The following PXDC1 variants were observed in gnomAD, a reference collection of about 807,000 sequenced individuals.
PXDC1 encodes the protein PX domain containing 1.
In PXDC1, 13 loss-of-function variants were observed where a neutral mutation model predicts 24.4. That is an observed-to-expected ratio of 0.53 (90% CI 0.35 to 0.85). The LOEUF (loss-of-function observed/expected upper bound fraction) is 0.85, where lower values mean the gene tolerates loss of function less well. Among genes scored for constraint, PXDC1 ranks in the 40% least tolerant of loss-of-function variants. The pLI, the probability that PXDC1 is intolerant of heterozygous loss-of-function variation, is 0.01. For synonymous variants in PXDC1, 162 were observed against 124.9 expected, an observed-to-expected ratio of 1.30 and a Z score of -1.98; for missense variants, 344 against 309.3, an observed-to-expected ratio of 1.11 and a Z score of -0.84.
chr6:3,738,051 A>G lies in PXDC1; in HGVS notation c.348+6T>C. 1.9e-6 allele frequency: 3 copies of G among 1,612,838 alleles called. No homozygotes were observed. The highest frequency in any genetic ancestry group is 1.3e-5 in the African/African-American group (1 of 74,888). On this transcript the variant is annotated splice_donor_region_variant and intron_variant, in intron 2 of 4. Coordinates refer to ENST00000380283, the MANE Select transcript of PXDC1 (RefSeq NM_183373.4). ...CCTGCCCAGCCCGGGGCCTGGCCAC[A>G]CTCACTTTACAGGGCATGCTTATGA... is the stretch of plus-strand genomic sequence containing the variant.
At chr6:3,727,513 G>A (rs1439614614) in intron 4 of PXDC1, 38 bp downstream of exon 4, 24 of 1,443,428 alleles carry the variant, frequency 1.7e-5, no homozygotes, top group Non-Finnish European at 2.3e-5. Flanking sequence ...AATGGCTCAG[G>A]ACAGTCTATG....
intron 1 of PXDC1, among the ~76,000 whole-genome samples, chr6:3,744,339 C>G (rs752252281): frequency 6.6e-6 from 1 of 152,198 alleles, no homozygotes; most frequent in African/African-American, 2.4e-5. Flanking sequence ...GATGGGATCC[C>G]GGCCTCCTGG....
In PXDC1 at chr6:3,737,928, G is replaced by A; in HGVS notation, c.348+129C>T. On this transcript the variant is annotated intron_variant, in intron 2 of 4. Transcript: ENST00000380283. This position sits in a 1 kb window ranked among gnomAD's most constrained non-coding sequence, Gnocchi z 5.5. ...GTCCCTATCGCCTGGTACTACCAGG[G>A]AGGGAACAAAACGGCTAAGTGAGAC... 2.5e-6 allele frequency: 2 copies of A among 805,404 alleles called. No homozygotes were observed. Among genetic ancestry groups the A allele is most frequent in the Non-Finnish European group, 2.0e-6 (1 of 491,820 alleles). 49.9% of individuals were successfully genotyped at this position (805,404 alleles called of 1,614,324 possible).
intron 3 of PXDC1, among the ~76,000 whole-genome samples, chr6:3,734,011 C>A (rs752352917): frequency 1.4e-4 from 21 of 152,182 alleles, no homozygotes; most frequent in Non-Finnish European, 3.1e-4. Context: ...AGGCCAGGAC[C>A]CCTGCCTTCC....
At chr6:3,730,319 A>C (rs1000148426) in intron 3 of PXDC1, among the ~76,000 whole-genome samples, 1 of 152,244 alleles carries the variant, frequency 6.6e-6, no homozygotes, top group Non-Finnish European at 1.5e-5. Flanking sequence ...ATTTATTCCC[A>C]ACACGGGTTC....
At chr6:3,748,232 G>A (rs936875896) in intron 1 of PXDC1, among the ~76,000 whole-genome samples, 2 of 152,102 alleles carry the variant, frequency 1.3e-5, no homozygotes, top group Admixed American at 6.5e-5. Context: ...ACACAAGAAC[G>A]GAACACCTTG....
chr6:3,739,652 C>T (rs1462255401), intron 1 of PXDC1, among the ~76,000 whole-genome samples: 1 of 152,246 alleles, frequency 6.6e-6, no homozygotes, highest in African/African-American at 2.4e-5. Flanking sequence ...GCCGTGTTCT[C>T]CAGCCTCGGC....
chr6:3,742,287 A>C (rs1760465368), intron 1 of PXDC1, among the ~76,000 whole-genome samples: 1 of 152,198 alleles, frequency 6.6e-6, no homozygotes, highest in Non-Finnish European at 1.5e-5. Context: ...ATTCTTTCCA[A>C]ATGTTGTCAC....
chr6:3,748,635 G>A (rs370403307), intron 1 of PXDC1, among the ~76,000 whole-genome samples: 4 of 152,224 alleles, frequency 2.6e-5, no homozygotes, highest in African/African-American at 9.6e-5. Flanking sequence ...AAAGGGCTCA[G>A]CATCCCTTTA....
intron 1 of PXDC1, among the ~76,000 whole-genome samples, chr6:3,738,544 C>A (rs1183080030): frequency 6.6e-6 from 1 of 152,232 alleles, no homozygotes; most frequent in East Asian, 1.9e-4. Context: ...CAGCCCACCC[C>A]CAGTGACACA....
rs1310547508 is a variant in PXDC1, at chr6:3,733,266, G to A, written c.466+3813C>T. On this transcript the variant is annotated intron_variant, in intron 3 of 4. Coordinates refer to ENST00000380283, the MANE Select transcript of PXDC1 (RefSeq NM_183373.4). ...GATGCCAGGACTCTCTGGACCCCGC[G>A]CCTCAGCCTGGGGAGCCACAGATCC... Among the ~76,000 whole-genome samples the A allele has an allele frequency of 4.6e-5, 7 of 152,284 alleles. No individual in the cohort carries two copies. In the East Asian group the frequency reaches 1.4e-3, roughly 29 times the overall value.
intron 4 of PXDC1, among the ~76,000 whole-genome samples, chr6:3,726,444 C>T (rs1760068414): frequency 6.6e-6 from 1 of 152,252 alleles, no homozygotes; most frequent in African/African-American, 2.4e-5. Flanking sequence ...ACCAGCAGCT[C>T]ATGACCCCTC....
chr6:3,741,544 G>A (rs868115990), intron 1 of PXDC1, among the ~76,000 whole-genome samples: 6 of 152,192 alleles, frequency 3.9e-5, no homozygotes, highest in African/African-American at 7.2e-5. Context: ...CTTTCTCCAC[G>A]GAGACAGTTC....
At chr6:3,745,592 A>C (rs1760551512) in intron 1 of PXDC1, among the ~76,000 whole-genome samples, 1 of 115,152 alleles carries the variant, frequency 8.7e-6, no homozygotes, top group Non-Finnish European at 2.2e-5. Flanking sequence ...CCCTCCTATT[A>C]AGGCCTGACT....
At chr6:3,734,406 A>C (rs1463959982) in intron 3 of PXDC1, among the ~76,000 whole-genome samples, 4 of 152,194 alleles carry the variant, frequency 2.6e-5, no homozygotes, top group Non-Finnish European at 5.9e-5. Context: ...CAAACAGAGC[A>C]AAACAAACCA....
At position 3,738,966 on chromosome 6, in the gene PXDC1, G is replaced by A. The variant is rs772551608; in HGVS notation, c.257-818C>T. 3.6e-4 allele frequency: 464 copies of A among 1,293,476 alleles called. 1 individual carries two copies. The highest frequency in any genetic ancestry group is 4.5e-4 in the Non-Finnish European group (443 of 983,632). The allele number at this position is 1,293,476 out of a possible 1,614,324, so 80.1% of individuals were successfully genotyped here. On this transcript the variant is annotated intron_variant, in intron 1 of 4. Coordinates refer to ENST00000380283, the MANE Select transcript of PXDC1 (RefSeq NM_183373.4). ...TTGTGTGACCGAGGCTGATGCAAAC[G>A]TGCCTGTGAGCGGTGATTAAACCAC...
chr6:3,735,025 A>G (rs1188894978), intron 3 of PXDC1, among the ~76,000 whole-genome samples: 2 of 152,114 alleles, frequency 1.3e-5, no homozygotes, highest in African/African-American at 4.8e-5. Flanking sequence ...GCACCACCGC[A>G]CTCCAGCCTG....
rs1760018009 is a variant in PXDC1 at position 3,724,713 on chromosome 6, G to A, written c.579-977C>T. 6.6e-6 allele frequency among the ~76,000 whole-genome samples: 1 copy of A among 152,190 alleles called. No homozygotes were observed. Among genetic ancestry groups the A allele is most frequent in the South Asian group, 2.1e-4 (1 of 4,832 alleles). On this transcript the variant is annotated intron_variant, in intron 4 of 4. Coordinates refer to ENST00000380283, the MANE Select transcript of PXDC1 (RefSeq NM_183373.4). The surrounding 1 kb of genome is among the most constrained non-coding windows in gnomAD (Gnocchi z 4.5). Reference sequence around the variant, plus strand: ...GTGGCCCTGGCCCGTGGACAACTGTGGGAACTCAGCCATCTCTGGAAAGCT... The same window carrying A: ...GTGGCCCTGGCCCGTGGACAACTGTAGGAACTCAGCCATCTCTGGAAAGCT...
chr6:3,744,562 G>A (rs1760523090), intron 1 of PXDC1, among the ~76,000 whole-genome samples: 1 of 152,160 alleles, frequency 6.6e-6, no homozygotes, highest in Non-Finnish European at 1.5e-5. Context: ...GGGGTGGGGA[G>A]AGCTGAGACC....
Sources: gnomAD v4.1 joint callset for allele counts (sites outside exome capture counted in the v4.1 genomes callset) on GRCh38, gnomAD v4.1.1 for gene constraint, Gnocchi (gnomAD v3.1) non-coding constraint, MANE v1.5 for transcripts, NCBI Gene and HGNC (gene_info 2026-07-23, HGNC 2026-07-21) for gene names.